The following TMEM217B variants were observed in gnomAD, a reference collection of about 807,000 sequenced individuals.
TMEM217B encodes the protein putative transmembrane protein 217B.
At chr6:37,255,977 A>AC in the TMEM217B span, among the ~76,000 whole-genome samples, 1 of 152,286 alleles carries the variant, frequency 6.6e-6, no homozygotes, top group South Asian at 2.1e-4. Context: ...TGTTAACTAC[A>AC]CCCCCTGGGA....
At chr6:37,252,923 A>G in the TMEM217B span, among the ~76,000 whole-genome samples, 1 of 151,058 alleles carries the variant, frequency 6.6e-6, no homozygotes, top group Non-Finnish European at 1.5e-5. Context: ...TGCAGGTGTG[A>G]GCTACTGTTA....
chr6:37,236,414 G>T, the TMEM217B span, among the ~76,000 whole-genome samples: 4 of 152,054 alleles, frequency 2.6e-5, no homozygotes, highest in Non-Finnish European at 4.4e-5. Context: ...TATTTTTTTG[G>T]TGGTAGCATT....
At chr6:37,243,753 C>G in the TMEM217B span, among the ~76,000 whole-genome samples, 1 of 152,180 alleles carries the variant, frequency 6.6e-6, no homozygotes, top group African/African-American at 2.4e-5. Flanking sequence ...CATGCACCAC[C>G]ACACCTGGCT....
the TMEM217B span, among the ~76,000 whole-genome samples, chr6:37,246,395 A>T: frequency 1.3e-5 from 2 of 152,172 alleles, no homozygotes; most frequent in Non-Finnish European, 2.9e-5. Context: ...TAGTGCAGGC[A>T]TGGGAGTGGA....
At chr6:37,222,834 C>A in the TMEM217B span, among the ~76,000 whole-genome samples, 29 of 152,306 alleles carry the variant, frequency 1.9e-4, no homozygotes, top group African/African-American at 7.0e-4. Context: ...GGGCTTCCAC[C>A]GGCTCCATGG....
At chr6:37,254,193 G>A in the TMEM217B span, among the ~76,000 whole-genome samples, 1 of 152,152 alleles carries the variant, frequency 6.6e-6, no homozygotes, top group African/African-American at 2.4e-5. Flanking sequence ...CAGACCTCCT[G>A]AATCAGAATC....
chr6:37,218,905 G>C, the TMEM217B span: 1 of 1,614,060 alleles, frequency 6.2e-7, no homozygotes, highest in South Asian at 1.1e-5. Context: ...TGATCTCAGT[G>C]CAACTGCCAT....
At chr6:37,249,412 C>G in the TMEM217B span, among the ~76,000 whole-genome samples, 1 of 152,168 alleles carries the variant, frequency 6.6e-6, no homozygotes, top group East Asian at 1.9e-4. Context: ...CTCCACTTTC[C>G]AGGTTCAAGC....
chr6:37,250,179 A>G, the TMEM217B span, among the ~76,000 whole-genome samples: 1 of 152,242 alleles, frequency 6.6e-6, no homozygotes, highest in Non-Finnish European at 1.5e-5. Flanking sequence ...TATGTTACTT[A>G]AGGTTACAAA....
At chr6:37,218,800 G>A in the TMEM217B span, 2 of 1,614,224 alleles carry the variant, frequency 1.2e-6, no homozygotes, top group Non-Finnish European at 1.7e-6. Flanking sequence ...AGCAGCTGAT[G>A]AGGATGGTGA....
At chr6:37,252,637 ATTTTTTTTTTT>A in the TMEM217B span, among the ~76,000 whole-genome samples, 642 of 71,308 alleles carry the variant, frequency 9.0e-3, 3 homozygotes, top group Non-Finnish European at 0.014. Context: ...ATATATATAT[ATTTTTTTTTTT>A]TTTTTTTTTT....
chr6:37,241,103 T>C, the TMEM217B span, among the ~76,000 whole-genome samples: 19 of 150,208 alleles, frequency 1.3e-4, no homozygotes, highest in African/African-American at 4.4e-4. Flanking sequence ...ATTACTCTTT[T>C]TTTTTTTTTT....
At chr6:37,252,633 ATATATTTTTTTTT>A in the TMEM217B span, among the ~76,000 whole-genome samples, 5 of 75,262 alleles carry the variant, frequency 6.6e-5, no homozygotes, top group African/African-American at 1.1e-4. Flanking sequence ...ATATATATAT[ATATATTTTTTTTT>A]TTTTTTTTTT....
At chr6:37,241,891 C>T in the TMEM217B span, among the ~76,000 whole-genome samples, 1 of 152,090 alleles carries the variant, frequency 6.6e-6, no homozygotes, top group Admixed American at 6.6e-5. Context: ...TAAATTTGCA[C>T]TGTAACTAAA....
At chr6:37,225,879 C>G in the TMEM217B span, among the ~76,000 whole-genome samples, 1 of 151,990 alleles carries the variant, frequency 6.6e-6, no homozygotes, top group Admixed American at 6.5e-5. Flanking sequence ...CTCACCTTCT[C>G]CCTTTCCCCC....
the TMEM217B span, among the ~76,000 whole-genome samples, chr6:37,237,902 G>A: frequency 6.6e-6 from 1 of 152,106 alleles, no homozygotes; most frequent in Non-Finnish European, 1.5e-5. Context: ...GAAGGATAAT[G>A]AGCTCAGAAT....
At chr6:37,248,909 A>G in the TMEM217B span, among the ~76,000 whole-genome samples, 4 of 152,214 alleles carry the variant, frequency 2.6e-5, no homozygotes, top group Non-Finnish European at 4.4e-5. Flanking sequence ...AAGTAAACTC[A>G]TGCTTCAAAG....
the TMEM217B span, among the ~76,000 whole-genome samples, chr6:37,219,823 A>G: frequency 6.6e-6 from 1 of 152,126 alleles, no homozygotes; most frequent in Non-Finnish European, 1.5e-5. Context: ...ACTTGTTCAG[A>G]CCTGAGTACA....
chr6:37,217,405 C>A, the TMEM217B span, among the ~76,000 whole-genome samples: 2 of 152,202 alleles, frequency 1.3e-5, no homozygotes, highest in African/African-American at 4.8e-5. Context: ...CTAATTGATT[C>A]ATAAACAATA....
Sources: gnomAD v4.1 joint callset for allele counts (sites outside exome capture counted in the v4.1 genomes callset) on GRCh38, gnomAD v4.1.1 for gene constraint, MANE v1.5 for transcripts, NCBI Gene and HGNC (gene_info 2026-07-23, HGNC 2026-07-21) for gene names.